SPTBN1: variants seen among roughly 807,000 people sequenced by gnomAD.
The protein encoded by SPTBN1 is spectrin beta chain, non-erythrocytic 1.
Under a neutral mutation model 266.4 loss-of-function variants are expected in SPTBN1, and 32 were observed. The ratio of observed to expected loss-of-function variants is 0.12; its 90% CI spans 0.09 to 0.16. The LOEUF is 0.16. SPTBN1 is among the 10% of genes least tolerant of loss of function. The probability of loss-of-function intolerance (pLI) is 1.00; values close to 1 mark genes in which losing one functional copy is unlikely to be tolerated. For synonymous variants in SPTBN1, 1,336 were observed against 1,162.2 expected, an observed-to-expected ratio of 1.15 and a Z score of -3.04; for missense variants, 2,296 against 3,067.1, an observed-to-expected ratio of 0.75 and a Z score of 5.94.
Position 54,629,288 on chromosome 2 carries a change from G to T in SPTBN1, c.2154G>T (p.Arg718Ser), listed in dbSNP as rs753604087. The T allele has an allele frequency of 6.2e-7, 1 of 1,614,070 alleles. No individual in the cohort carries two copies. Among genetic ancestry groups the T allele is most frequent in the South Asian group, 1.1e-5 (1 of 91,080 alleles). The change falls in exon 14 of 36, where the codon AGG becomes AGT. Residue 718 changes from arginine (R) to serine (S), a missense_variant. By Grantham distance (110) the Arg-to-Ser change is moderately radical. Transcript: ENST00000356805. ...TCGGGTCGGAGAAGATCCGTGAGAG[G>T]ATCATTTACATCCGGGAGCAGTGGG... ...EHFGSEKIRE[R>S]IIYIREQWAN... is the part of the protein sequence containing the mutation.
At chr2:54,581,575 C>CT (rs1192563175) in intron 2 of SPTBN1, among the ~76,000 whole-genome samples, 4 of 87,202 alleles carry the variant, frequency 4.6e-5, no homozygotes, top group Non-Finnish European at 6.3e-5. Flanking sequence ...GGTTTCTTTG[C>CT]CCTTTTTTTT....
intron 3 of SPTBN1, among the ~76,000 whole-genome samples, chr2:54,603,772 A>T (rs1441744918): frequency 2.0e-5 from 3 of 152,190 alleles, no homozygotes; most frequent in African/African-American, 7.2e-5. Flanking sequence ...ATCCTACCCT[A>T]TGTATTCCGT....
chr2:54,460,338 A>G lies in SPTBN1; in HGVS notation c.-48+3820A>G, dbSNP rs540235114. ...GTGACAAAAGTGAGGCTCTCACTGT[A>G]AATTATTTGTTTAATACAAAATTAT... On this transcript the variant is annotated intron_variant, in intron 1 of 35. Transcript: ENST00000356805. Among the ~76,000 whole-genome samples, 300 of 152,308 alleles carry G rather than the reference A, an allele frequency of 2.0e-3. 2 individuals are homozygous for G. The highest frequency in any genetic ancestry group is 6.4e-3 in the African/African-American group (266 of 41,562).
intron 1 of SPTBN1, among the ~76,000 whole-genome samples, chr2:54,484,233 C>T (rs935503736): frequency 4.6e-5 from 7 of 152,086 alleles, no homozygotes; most frequent in African/African-American, 1.2e-4. Flanking sequence ...GATAACTGCA[C>T]GGTATTAACT....
chr2:54,648,031 C>G (rs1680032022), intron 24 of SPTBN1, among the ~76,000 whole-genome samples: 1 of 152,154 alleles, frequency 6.6e-6, no homozygotes, highest in Non-Finnish European at 1.5e-5. Flanking sequence ...AGTGATAACA[C>G]CTCCTAACTC....
rs2104077338 is a variant in SPTBN1 at position 54,647,140 on chromosome 2, A to G, written c.4876A>G (p.Ser1626Gly). Residue 1626 changes from serine to glycine, a missense_variant, in exon 24 of 36, where the codon AGT (serine) becomes GGT (glycine). Ser to Gly is a moderately conservative substitution (Grantham distance 56, BLOSUM62 0). This residue lies in a region of SPTBN1 where 644 missense variants were observed against 745.3 expected (regional missense o/e 0.86). Transcript: ENST00000356805. ...TCTCCTGTCTTTGCAGGATGAGCAG[A>G]GTGCTGTCTCCATGTTGAAGAAGCA... ...MSEEKAKDEQSAVSMLKKHQI... is the reference protein window; with the variant it reads ...MSEEKAKDEQGAVSMLKKHQI... The G allele has an allele frequency of 1.2e-6, 2 of 1,614,218 alleles. No homozygotes were observed. Among genetic ancestry groups the G allele is most frequent in the East Asian group, 4.5e-5 (2 of 44,880 alleles).
intron 1 of SPTBN1, among the ~76,000 whole-genome samples, chr2:54,473,529 C>G (rs1694032408): frequency 6.6e-6 from 1 of 151,622 alleles, no homozygotes; most frequent in South Asian, 2.1e-4. Context: ...CACACGCACA[C>G]ACATACACAC....
At chr2:54,498,195 G>T (rs1263296758) in intron 1 of SPTBN1, among the ~76,000 whole-genome samples, 2 of 152,212 alleles carry the variant, frequency 1.3e-5, no homozygotes, top group African/African-American at 2.4e-5. Context: ...TAGCAGCTAA[G>T]AGCATAGACT....
chr2:54,504,485 T>A (rs1040870490), intron 1 of SPTBN1, among the ~76,000 whole-genome samples: 11 of 152,102 alleles, frequency 7.2e-5, no homozygotes, highest in African/African-American at 2.4e-4. Flanking sequence ...GGAAAAAAAA[T>A]CCACAAAGTT....
intron 1 of SPTBN1, among the ~76,000 whole-genome samples, chr2:54,525,313 C>T (rs1440283591): frequency 2.0e-5 from 3 of 151,866 alleles, no homozygotes; most frequent in Admixed American, 6.6e-5. Context: ...GGTATGATGT[C>T]GGCTCAACCA....
At chr2:54,506,438 A>G (rs1367351641) in intron 1 of SPTBN1, among the ~76,000 whole-genome samples, 1 of 151,796 alleles carries the variant, frequency 6.6e-6, no homozygotes, top group Non-Finnish European at 1.5e-5. Flanking sequence ...GACTCAATCT[A>G]CAAGAGCTTA....
In SPTBN1 at chr2:54,626,358, A is replaced by G; in HGVS notation, c.1644+124A>G. The G allele has an allele frequency of 4.1e-6, 5 of 1,206,194 alleles. No individual in the cohort carries two copies. Among genetic ancestry groups the G allele is most frequent in the Non-Finnish European group, 5.7e-6 (5 of 876,470 alleles). The allele number at this position is 1,206,194 out of a possible 1,614,324, so 74.7% of individuals were successfully genotyped here. ...TGTCTAACTGCCCACATGTACAGCT[A>G]GAGAGGAGCCACATCACCCATGGGA... On this transcript the variant is annotated intron_variant, in intron 12 of 35. Coordinates refer to ENST00000356805, the MANE Select transcript of SPTBN1 (RefSeq NM_003128.3). The surrounding 1 kb of genome is among the most constrained non-coding windows in gnomAD (Gnocchi z 4.7).
At chr2:54,577,968 G>C (rs1322042575) in intron 2 of SPTBN1, among the ~76,000 whole-genome samples, 1 of 152,232 alleles carries the variant, frequency 6.6e-6, no homozygotes, top group Non-Finnish European at 1.5e-5. Flanking sequence ...ACAAGGAGCA[G>C]CATGGTGAAT....
intron 2 of SPTBN1, among the ~76,000 whole-genome samples, chr2:54,580,388 G>C (rs1674811488): frequency 6.6e-6 from 1 of 152,132 alleles, no homozygotes; most frequent in Non-Finnish European, 1.5e-5. Flanking sequence ...ACTCTGGGTA[G>C]GCATTTTTAT....
chr2:54,623,946 C>A (rs923177672), intron 10 of SPTBN1, among the ~76,000 whole-genome samples: 7 of 152,202 alleles, frequency 4.6e-5, no homozygotes, highest in Non-Finnish European at 8.8e-5. Flanking sequence ...TCATGTGTTT[C>A]ATAGTAGTTG....
In SPTBN1 at chr2:54,511,992, C is replaced by T. The variant is rs189350046; in HGVS notation, c.-47-14380C>T. Among the ~76,000 whole-genome samples, 5 of 152,240 alleles carry T rather than the reference C, an allele frequency of 3.3e-5. No homozygotes were observed. The South Asian group carries it at 8.3e-4, about 25-fold the overall frequency. The stretch of plus-strand genomic sequence containing the variant: ...GGGGTGATAGAAGACAGTGACAGAT[C>T]GTCTGGCGTTAGATTCTCATAAGGA... On this transcript the variant is annotated intron_variant, in intron 1 of 35. Coordinates refer to ENST00000356805, the MANE Select transcript of SPTBN1 (RefSeq NM_003128.3).
At chr2:54,489,002 G>T (rs1057010612) in intron 1 of SPTBN1, among the ~76,000 whole-genome samples, 1 of 151,942 alleles carries the variant, frequency 6.6e-6, no homozygotes, top group African/African-American at 2.4e-5. Flanking sequence ...ATTAAGAAAT[G>T]AATGACAAAA....
intron 1 of SPTBN1, among the ~76,000 whole-genome samples, chr2:54,487,359 G>A (rs951663095): frequency 2.7e-4 from 41 of 151,582 alleles, no homozygotes; most frequent in East Asian, 7.7e-4. Flanking sequence ...TAATTACTGC[G>A]CACCTTTGAT....
intron 2 of SPTBN1, among the ~76,000 whole-genome samples, chr2:54,591,089 G>C (rs1035004054): frequency 3.3e-5 from 5 of 152,188 alleles, no homozygotes; most frequent in Admixed American, 3.3e-4. Context: ...GTACTTCTTT[G>C]TAATGTCTTT....
Sources: allele counts gnomAD v4.1 joint callset (sites outside exome capture counted in the v4.1 genomes callset), GRCh38; gene constraint gnomAD v4.1.1; regional missense constraint gnomAD v4.1.1; non-coding constraint Gnocchi (gnomAD v3.1); transcripts MANE v1.5; gene names NCBI Gene and HGNC (gene_info 2026-07-23, HGNC 2026-07-21).